BCL9: variants seen among roughly 807,000 people sequenced by gnomAD.
The protein encoded by BCL9 is BCL9 transcription coactivator, also known as B-cell CLL/lymphoma 9 protein.
Under a neutral mutation model 88.5 loss-of-function variants are expected in BCL9, and 25 were observed. The observed-to-expected ratio is 0.28, with a 90% CI of 0.21 to 0.39. The LOEUF is 0.39. Ranked by LOEUF, BCL9 falls within the 10% of genes least tolerant of loss-of-function variation. The probability of loss-of-function intolerance (pLI) is 1.00; values close to 1 mark genes in which losing one functional copy is unlikely to be tolerated. For synonymous variants in BCL9, 711 were observed against 673.3 expected, an observed-to-expected ratio of 1.06 and a Z score of -0.87; for missense variants, 1,817 against 1,877.8, an observed-to-expected ratio of 0.97 and a Z score of 0.60.
At chr1:147,621,298 T>C (rs1553205376) in intron 8 of BCL9, among the ~76,000 whole-genome samples, 1 of 152,150 alleles carries the variant, frequency 6.6e-6, no homozygotes, top group African/African-American at 2.4e-5. Context: ...AAATGGGGAA[T>C]ATGTGTTGGG....
intron 1 of BCL9, among the ~76,000 whole-genome samples, chr1:147,580,198 A>G (rs1313951523): frequency 6.6e-6 from 1 of 152,204 alleles, no homozygotes; most frequent in Non-Finnish European, 1.5e-5. Context: ...ATGGATTGTG[A>G]AAGCCTCTCA....
At chr1:147,552,619 A>G (rs914789782) in intron 1 of BCL9, among the ~76,000 whole-genome samples, 1 of 152,108 alleles carries the variant, frequency 6.6e-6, no homozygotes, top group African/African-American at 2.4e-5. Flanking sequence ...AAAATAAAAC[A>G]AACAAACAAA....
At chr1:147,564,657 A>G (rs1290761259) in intron 1 of BCL9, among the ~76,000 whole-genome samples, 3 of 152,170 alleles carry the variant, frequency 2.0e-5, no homozygotes, top group Admixed American at 2.0e-4. Context: ...GTTAATTACA[A>G]CTGTAAGGTA....
At chr1:147,617,762 ATTAAGCGAACAAG>A (rs2101617288) in intron 7 of BCL9, among the ~76,000 whole-genome samples, 1 of 152,334 alleles carries the variant, frequency 6.6e-6, no homozygotes, top group South Asian at 2.1e-4. Flanking sequence ...TACAGACTGG[ATTAAGCGAACAAG>A]TAGGAGCAAA....
intron 1 of BCL9, among the ~76,000 whole-genome samples, chr1:147,544,362 C>G (rs1654459677): frequency 6.6e-6 from 1 of 152,186 alleles, no homozygotes; most frequent in East Asian, 1.9e-4. Flanking sequence ...CATTCCTATT[C>G]ACAGGGAGCC....
chr1:147,571,883 A>G (rs993257303), intron 1 of BCL9, among the ~76,000 whole-genome samples: 1 of 152,042 alleles, frequency 6.6e-6, no homozygotes, highest in Non-Finnish European at 1.5e-5. Flanking sequence ...GACTCTATTC[A>G]TTTTCTCTAT....
At chr1:147,560,927 T>C (rs1257393884) in intron 1 of BCL9, among the ~76,000 whole-genome samples, 1 of 152,052 alleles carries the variant, frequency 6.6e-6, no homozygotes, top group Non-Finnish European at 1.5e-5. Flanking sequence ...ATAAAGAGAG[T>C]CAAGGTCAGT....
At chr1:147,623,193 C>G (rs1658736865) in intron 9 of BCL9, among the ~76,000 whole-genome samples, 1 of 152,058 alleles carries the variant, frequency 6.6e-6, no homozygotes, top group African/African-American at 2.4e-5. Flanking sequence ...TTATCAGTAA[C>G]TCTAATTAAC....
At chr1:147,614,691 G>A in intron 6 of BCL9, 75 bp downstream of exon 6, 4 of 1,410,020 alleles carry the variant, frequency 2.8e-6, no homozygotes, top group Non-Finnish European at 3.8e-6. Context: ...ATTGCAGATT[G>A]ATCTTTTATT....
intron 1 of BCL9, among the ~76,000 whole-genome samples, chr1:147,543,250 T>G (rs1654413667): frequency 6.6e-6 from 1 of 152,244 alleles, no homozygotes; most frequent in Admixed American, 6.5e-5. Flanking sequence ...GGAGGAGTTC[T>G]GCTTTCTTAC....
chr1:147,622,280 C>T lies in BCL9; in HGVS notation c.2912C>T (p.Pro971Leu). Residue 971 changes from proline (P) to leucine (L), a missense_variant, in exon 9 of 10, where the codon CCA becomes CTA. By Grantham distance (98) the Pro-to-Leu change is moderately conservative. Transcript: ENST00000234739. ...TTTTGCTTCCTTTTAGGTGGCCCCCCACCTCCTACAGCCAGCCAGCCTGCC... is the reference window on the plus strand; with the variant it reads ...TTTTGCTTCCTTTTAGGTGGCCCCCTACCTCCTACAGCCAGCCAGCCTGCC... ...MLGNVESGGPPPPTASQPASV... is the reference protein window; with the variant it reads ...MLGNVESGGPLPPTASQPASV... 1 of 1,614,120 alleles carries T rather than the reference C, an allele frequency of 6.2e-7. No homozygotes were observed. The highest frequency in any genetic ancestry group is 1.1e-5 in the South Asian group (1 of 91,086).
chr1:147,597,471 T>C (rs1553200615), intron 1 of BCL9, among the ~76,000 whole-genome samples: 1 of 152,166 alleles, frequency 6.6e-6, no homozygotes, highest in Non-Finnish European at 1.5e-5. Context: ...AAAAAAATGA[T>C]TTCTTATCTT....
chr1:147,616,524 T>C (rs1460329042), intron 7 of BCL9, among the ~76,000 whole-genome samples: 1 of 152,070 alleles, frequency 6.6e-6, no homozygotes, highest in Non-Finnish European at 1.5e-5. Flanking sequence ...TCCCAGCACT[T>C]TGGGAGGCCG....
intron 1 of BCL9, among the ~76,000 whole-genome samples, chr1:147,572,685 T>C (rs941750809): frequency 1.3e-5 from 2 of 152,256 alleles, no homozygotes; most frequent in Non-Finnish European, 2.9e-5. Context: ...ATTCAAGCGA[T>C]TCTCCTGCCT....
At chr1:147,615,059 T>G (rs1658204898) in intron 6 of BCL9, among the ~76,000 whole-genome samples, 1 of 152,148 alleles carries the variant, frequency 6.6e-6, no homozygotes, top group Non-Finnish European at 1.5e-5. Context: ...GAGGCTGGTC[T>G]TGAACTCCTG....
intron 1 of BCL9, 144 bp downstream of exon 1, chr1:147,541,818 C>G (rs587760278): frequency 6.6e-6 from 1 of 151,878 alleles, no homozygotes; most frequent in African/African-American, 2.4e-5. Context: ...TCTTTCAAGG[C>G]ATCCAGGACT....
chr1:147,590,904 AG>A, intron 1 of BCL9, among the ~76,000 whole-genome samples: 1 of 152,382 alleles, frequency 6.6e-6, no homozygotes, highest in African/African-American at 2.4e-5. Context: ...GGTTGTCATA[AG>A]GATCAAGTGT....
chr1:147,621,962 C>T (rs868967507), intron 8 of BCL9, among the ~76,000 whole-genome samples: 3 of 152,168 alleles, frequency 2.0e-5, no homozygotes, highest in Admixed American at 2.0e-4. Context: ...ATTTCACATT[C>T]TATTCAGTGA....
At chr1:147,559,913 A>G (rs1310380876) in intron 1 of BCL9, among the ~76,000 whole-genome samples, 1 of 152,242 alleles carries the variant, frequency 6.6e-6, no homozygotes, top group Non-Finnish European at 1.5e-5. Context: ...ACTAAGACCC[A>G]GAGAAAACAG....
Sources: allele counts gnomAD v4.1 joint callset (sites outside exome capture counted in the v4.1 genomes callset), GRCh38; gene constraint gnomAD v4.1.1; transcripts MANE v1.5; gene names NCBI Gene and HGNC (gene_info 2026-07-23, HGNC 2026-07-21).